BABAM2: variants seen among roughly 807,000 people sequenced by gnomAD.
BABAM2 encodes the protein BRISC and BRCA1 A complex member 2, also known as BRISC and BRCA1-A complex member 2.
In BABAM2, 31 loss-of-function variants were observed where a neutral mutation model predicts 54.7. That is an observed-to-expected ratio of 0.57 (90% CI 0.43 to 0.77). BABAM2 has a LOEUF of 0.77. Ranked by LOEUF, BABAM2 falls within the 30% of genes least tolerant of loss-of-function variation. BABAM2 has a pLI of 0.00. For synonymous variants in BABAM2, 167 were observed against 162.9 expected, an observed-to-expected ratio of 1.03 and a Z score of -0.19; for missense variants, 364 against 455.8, an observed-to-expected ratio of 0.80 and a Z score of 1.83.
At chr2:28,320,702 C>G (rs1177908416) in intron 11 of BABAM2, among the ~76,000 whole-genome samples, 3 of 152,234 alleles carry the variant, frequency 2.0e-5, no homozygotes, top group Non-Finnish European at 2.9e-5. Flanking sequence ...GCCCTTCCTG[C>G]TCAGCCTTAG....
chr2:28,160,039 T>TG (rs961440604), intron 7 of BABAM2, among the ~76,000 whole-genome samples: 5 of 152,118 alleles, frequency 3.3e-5, no homozygotes, highest in Non-Finnish European at 7.3e-5. Flanking sequence ...TAGAGTGCAA[T>TG]GGGCCAATCA....
At chr2:28,287,743 A>T (rs1686945089) in intron 10 of BABAM2, among the ~76,000 whole-genome samples, 1 of 152,184 alleles carries the variant, frequency 6.6e-6, no homozygotes, top group Non-Finnish European at 1.5e-5. Context: ...AGGCCCGAGG[A>T]AATGAGAATG....
rs548125737 is a variant in BABAM2, at chr2:28,024,248, CA to C, written c.301-970del. 6.4e-3 allele frequency among the ~76,000 whole-genome samples: 967 copies of C among 151,680 alleles called. 7 individuals carry two copies. Among genetic ancestry groups the C allele is most frequent in the Non-Finnish European group, 8.0e-3 (541 of 67,866 alleles). On this transcript the variant is annotated intron_variant, in intron 4 of 11. Coordinates refer to ENST00000379624, the MANE Select transcript of BABAM2 (RefSeq NM_199191.3). ...TGAAACCCCGTCTCTACTAAAAATA[CA>C]AAAAAAATTAGCCGGGCCTGGTGGC... is the stretch of plus-strand genomic sequence containing the variant.
chr2:28,135,601 C>T (rs1670464734), intron 7 of BABAM2, among the ~76,000 whole-genome samples: 1 of 152,148 alleles, frequency 6.6e-6, no homozygotes, highest in Non-Finnish European at 1.5e-5. Flanking sequence ...GTTCAGTTGA[C>T]ACCTCAAATT....
intron 7 of BABAM2, among the ~76,000 whole-genome samples, chr2:28,184,748 G>A (rs528445126): frequency 1.3e-5 from 2 of 152,176 alleles, no homozygotes; most frequent in South Asian, 4.2e-4. Context: ...TTGGTTCCAA[G>A]TCTTTGCTAT....
chr2:28,031,418 G>A (rs1378136728), intron 5 of BABAM2, among the ~76,000 whole-genome samples: 1 of 152,076 alleles, frequency 6.6e-6, no homozygotes, highest in Non-Finnish European at 1.5e-5. Flanking sequence ...GATAGCTATT[G>A]TGCAAGATTA....
chr2:28,327,501 A>G, intron 11 of BABAM2: 1 of 1,486,490 alleles, frequency 6.7e-7, no homozygotes, highest in Admixed American at 2.3e-5. Context: ...TCATCCCAAT[A>G]CTTTGATGTC....
chr2:28,210,896 C>T (rs903914288), intron 7 of BABAM2, among the ~76,000 whole-genome samples: 1 of 152,204 alleles, frequency 6.6e-6, no homozygotes, highest in Non-Finnish European at 1.5e-5. Flanking sequence ...TTGAGGAGAA[C>T]ACTTAACAGA....
intron 10 of BABAM2, among the ~76,000 whole-genome samples, chr2:28,256,769 A>C (rs1038536929): frequency 7.1e-6 from 1 of 140,318 alleles, no homozygotes. Context: ...ATCTCAGCTC[A>C]CTGCAGCCTC....
chr2:28,220,403 G>A (rs1323524721), intron 7 of BABAM2, among the ~76,000 whole-genome samples: 1 of 152,192 alleles, frequency 6.6e-6, no homozygotes, highest in African/African-American at 2.4e-5. Context: ...TGTGTTAGCT[G>A]CTATTGATGT....
intron 10 of BABAM2, among the ~76,000 whole-genome samples, chr2:28,260,653 T>G (rs2148131418): frequency 6.6e-6 from 1 of 152,298 alleles, no homozygotes; most frequent in Non-Finnish European, 1.5e-5. Context: ...TCCTTTGCCT[T>G]TCCCTGTGCG....
intron 3 of BABAM2, among the ~76,000 whole-genome samples, chr2:27,943,307 G>A (rs1669064566): frequency 1.3e-5 from 2 of 152,078 alleles, no homozygotes; most frequent in Admixed American, 1.3e-4. Context: ...GGCATTCAAG[G>A]CCAGTCACAG....
At chr2:28,143,636 G>GA (rs1671250073) in intron 7 of BABAM2, among the ~76,000 whole-genome samples, 1 of 152,028 alleles carries the variant, frequency 6.6e-6, no homozygotes, top group Non-Finnish European at 1.5e-5. Flanking sequence ...TTGAAAAAAT[G>GA]AAAAAACCTA....
chr2:28,335,906 G>A (rs905101994), intron 11 of BABAM2, among the ~76,000 whole-genome samples: 8 of 152,186 alleles, frequency 5.3e-5, no homozygotes, highest in South Asian at 4.1e-4. Flanking sequence ...GCTGTGGGGC[G>A]TCTTACCTGC....
intron 10 of BABAM2, among the ~76,000 whole-genome samples, chr2:28,248,118 G>A (rs1019638632): frequency 6.6e-6 from 1 of 151,480 alleles, no homozygotes; most frequent in Non-Finnish European, 1.5e-5. Context: ...CATAGCAGTT[G>A]TATAGGCAAT....
At chr2:28,152,816 A>G (rs1224688045) in intron 7 of BABAM2, among the ~76,000 whole-genome samples, 1 of 152,194 alleles carries the variant, frequency 6.6e-6, no homozygotes, top group Non-Finnish European at 1.5e-5. Context: ...ATCGGCTACT[A>G]GGCATTGAGC....
At chr2:27,943,606 T>C (rs1036298180) in intron 3 of BABAM2, among the ~76,000 whole-genome samples, 1 of 152,234 alleles carries the variant, frequency 6.6e-6, no homozygotes, top group Non-Finnish European at 1.5e-5. Context: ...TCTGCAAGAA[T>C]GCTTGCAAGG....
intron 7 of BABAM2, among the ~76,000 whole-genome samples, chr2:28,230,560 C>CAAAAAA (rs35644487): frequency 7.0e-6 from 1 of 142,254 alleles, no homozygotes; most frequent in South Asian, 2.2e-4. Flanking sequence ...ACTAAAAATA[C>CAAAAAA]AAAAAAAAAA....
chr2:28,259,245 AC>A (rs1474578911), intron 10 of BABAM2, among the ~76,000 whole-genome samples: 1 of 126,718 alleles, frequency 7.9e-6, no homozygotes, highest in Non-Finnish European at 1.7e-5. Flanking sequence ...ACGCCACCAC[AC>A]CCAGCTAATT....
Sources: allele counts gnomAD v4.1 joint callset (sites outside exome capture counted in the v4.1 genomes callset), GRCh38; gene constraint gnomAD v4.1.1; transcripts MANE v1.5; gene names NCBI Gene and HGNC (gene_info 2026-07-23, HGNC 2026-07-21).